Variants in ABCA13 observed in about 807,000 individuals in gnomAD.
ABCA13 encodes the protein ATP-binding cassette sub-family A member 13.
Under a neutral mutation model 478.7 loss-of-function variants are expected in ABCA13, and 476 were observed. The ratio of observed to expected loss-of-function variants is 0.99; its 90% CI spans 0.92 to 1.07. ABCA13 has a LOEUF of 1.07. ABCA13 is among the 50% of genes least tolerant of loss of function. ABCA13 has a pLI of 0.00. For synonymous variants in ABCA13, 2,252 were observed against 2,158.9 expected (o/e 1.04, Z -1.20); for missense variants, 6,060 against 5,910.6 (o/e 1.03, Z -0.83).
Position 48,279,109 on chromosome 7 carries a change from G to T in ABCA13, c.7915G>T (p.Ala2639Ser). 2 of 1,611,114 alleles carry T rather than the reference G, an allele frequency of 1.2e-6. No homozygotes were observed. Among genetic ancestry groups the T allele is most frequent in the Non-Finnish European group, 1.7e-6 (2 of 1,179,092 alleles). Reference sequence around the variant, plus strand: ...CTTTTCTGATATTTTGGAAGAAATTGCTGAATTTTTAACATCTGTGAAAAT... The same window carrying T: ...CTTTTCTGATATTTTGGAAGAAATTTCTGAATTTTTAACATCTGTGAAAAT... ...KDFSDILEEI[A>S]EFLTSVKMNL... is the part of the protein sequence containing the mutation. Residue 2639 changes from alanine (A) to serine (S), a missense_variant, in exon 18 of 62, where the codon GCT becomes TCT. Ala to Ser is a moderately conservative substitution (Grantham distance 99). Transcript: ENST00000435803.
Position 48,455,163 on chromosome 7 carries a change from T to G in ABCA13, c.12692T>G (p.Leu4231Arg). The G allele has an allele frequency of 6.3e-7, 1 of 1,584,924 alleles. No homozygotes were observed. Among genetic ancestry groups the G allele is most frequent in the Non-Finnish European group, 8.6e-7 (1 of 1,166,004 alleles). ...RAGKSTLADLLLPVLFVALAM... is the reference protein window; with the variant it reads ...RAGKSTLADLRLPVLFVALAM... ...GGGAAGAGCACCCTCGCCGACCTGC[T>G]GCTGCCAGTCCTCTTCGTGGCCTTG... The change falls in exon 43 of 62, where the codon CTG becomes CGG. Residue 4231 changes from leucine (L) to arginine (R), a missense_variant. Physicochemically the swap from Leu to Arg is moderately radical, Grantham distance 102 (BLOSUM62 -2). Coordinates refer to ENST00000435803, the MANE Select transcript of ABCA13 (RefSeq NM_152701.5).
chr7:48,415,908 A>G (rs932547838), intron 41 of ABCA13, among the ~76,000 whole-genome samples: 1 of 152,162 alleles, frequency 6.6e-6, no homozygotes. Context: ...ATACTTCAGT[A>G]TTCTTTTTAG....
chr7:48,556,103 C>G (rs1010213738), intron 55 of ABCA13, among the ~76,000 whole-genome samples: 18 of 151,836 alleles, frequency 1.2e-4, no homozygotes, highest in Non-Finnish European at 1.9e-4. Flanking sequence ...CCATGTGTCT[C>G]TGTAATTTCC....
chr7:48,440,559 G>T (rs1823444782), intron 42 of ABCA13, among the ~76,000 whole-genome samples: 1 of 151,934 alleles, frequency 6.6e-6, no homozygotes, highest in Admixed American at 6.6e-5. Flanking sequence ...TTGCCTAAAG[G>T]TTTAATTTCT....
At chr7:48,579,145 T>C (rs1788465032) in intron 55 of ABCA13, among the ~76,000 whole-genome samples, 1 of 152,242 alleles carries the variant, frequency 6.6e-6, no homozygotes. Context: ...TTTGACTTCA[T>C]TAAAGTACAT....
chr7:48,458,550 T>G (rs1219137909), intron 43 of ABCA13, among the ~76,000 whole-genome samples: 1 of 152,226 alleles, frequency 6.6e-6, no homozygotes, highest in Non-Finnish European at 1.5e-5. Context: ...CTTATTAGTG[T>G]TCTGACAATT....
In ABCA13 at chr7:48,520,221, C is replaced by T. The variant is rs2130973327; in HGVS notation, c.13978C>T (p.Gln4660Ter). 1 of 1,613,618 alleles carries T rather than the reference C, an allele frequency of 6.2e-7. No homozygotes were observed. The highest frequency in any genetic ancestry group is 8.5e-7 in the Non-Finnish European group (1 of 1,179,738). ...GAACTTTCTGGGCTGGATCTTCGTG[C>T]AACTGGCCTCGCAGGGCACAGTACT... is the stretch of plus-strand genomic sequence containing the variant. The part of the protein sequence containing the change: ...EMNFLGWIFV[Q>*]LASQGTVLLL... The change falls in exon 53 of 62, where the codon CAA becomes TAA. Residue 4660 changes from glutamine to a stop codon, truncating the protein, a stop_gained. Coordinates refer to ENST00000435803, the MANE Select transcript of ABCA13 (RefSeq NM_152701.5). LOFTEE classifies it high-confidence loss of function.
chr7:48,436,350 C>T (rs62447286), intron 42 of ABCA13, among the ~76,000 whole-genome samples: 5,004 of 151,402 alleles, frequency 0.033, 133 homozygotes, highest in South Asian at 0.13. Context: ...TTTTTGTTTC[C>T]GTAAAATTGG....
chr7:48,384,603 G>A (rs954181336), intron 35 of ABCA13, among the ~76,000 whole-genome samples: 3 of 152,222 alleles, frequency 2.0e-5, no homozygotes, highest in Non-Finnish European at 4.4e-5. Flanking sequence ...AATGCTGGCT[G>A]TGATATGACC....
chr7:48,401,744 A>AACACCCACACAC (rs146576513), intron 38 of ABCA13, among the ~76,000 whole-genome samples: 2 of 143,894 alleles, frequency 1.4e-5, no homozygotes, highest in Admixed American at 1.4e-4. Flanking sequence ...AGAATTTTAA[A>AACACCCACACAC]ACACACACAC....
chr7:48,586,792 T>C (rs571588254), intron 56 of ABCA13, among the ~76,000 whole-genome samples: 1 of 152,330 alleles, frequency 6.6e-6, no homozygotes, highest in East Asian at 1.9e-4. Context: ...GCTATTAGTT[T>C]CATTCCCATT....
At chr7:48,325,684 A>C (rs1261449949) in intron 27 of ABCA13, among the ~76,000 whole-genome samples, 1 of 152,204 alleles carries the variant, frequency 6.6e-6, no homozygotes, top group African/African-American at 2.4e-5. Context: ...AATAATTATT[A>C]CTATAAAAAG....
chr7:48,226,229 G>C (rs1788188759), intron 5 of ABCA13, among the ~76,000 whole-genome samples: 2 of 152,186 alleles, frequency 1.3e-5, no homozygotes, highest in Admixed American at 6.5e-5. Context: ...TAAAGTAACA[G>C]AGGGGATTTG....
At chr7:48,404,004 T>C (rs1313114499) in intron 39 of ABCA13, 125 bp downstream of exon 39, 1 of 1,191,036 alleles carries the variant, frequency 8.4e-7, no homozygotes, top group South Asian at 1.3e-5. Flanking sequence ...CAGAAAAATA[T>C]AAATTTTTAA....
Position 48,609,244 on chromosome 7 carries a change from A to G in ABCA13, c.14745-6041A>G, listed in dbSNP as rs1391427554. On this transcript the variant is annotated intron_variant, in intron 58 of 61. Transcript: ENST00000435803. ...CTCATATAATTATTAGATTGTTCTC[A>G]GAAAGACTGCATATCATTGCAATTT... Among the ~76,000 whole-genome samples, 8 of 152,170 alleles carry G rather than the reference A, an allele frequency of 5.3e-5. No homozygotes were observed. In the East Asian group the frequency reaches 7.7e-4, roughly 15 times the overall value.
rs6955212 is a variant in ABCA13 at position 48,274,682 on chromosome 7, G to A, written c.5016G>A (p.Lys1672=). 238,045 of 1,613,770 alleles carry A rather than the reference G, an allele frequency of 0.15. 18,593 individuals carry two copies. Among genetic ancestry groups the A allele is most frequent in the Admixed American group, 0.25 (14,975 of 59,992 alleles). ...CTTCTGTCATGCGTACCCTTAAGAA[G>A]GCAGACATAGACCTTTTAGTGGATC... The part of the protein sequence containing the change: ...KVTSVMRTLK[K]ADIDLLVDQL... Residue 1672 remains lysine (K), a synonymous_variant, in exon 17 of 62, where the codon AAG becomes AAA. Coordinates refer to ENST00000435803, the MANE Select transcript of ABCA13 (RefSeq NM_152701.5).
At chr7:48,625,897 C>T (rs1347857103) in intron 59 of ABCA13, among the ~76,000 whole-genome samples, 1 of 152,200 alleles carries the variant, frequency 6.6e-6, no homozygotes, top group Non-Finnish European at 1.5e-5. Flanking sequence ...AGACTCACAT[C>T]ATGAGTCCTG....
chr7:48,286,509 TTCCTTCC>T (rs942701052), intron 19 of ABCA13, among the ~76,000 whole-genome samples: 36 of 152,128 alleles, frequency 2.4e-4, no homozygotes, highest in African/African-American at 7.7e-4. Context: ...CCTTCCTTCC[TTCCTTCC>T]TTTTTTCAGA....
intron 3 of ABCA13, among the ~76,000 whole-genome samples, chr7:48,213,156 G>A (rs2128948234): frequency 6.6e-6 from 1 of 152,118 alleles, no homozygotes; most frequent in Non-Finnish European, 1.5e-5. Context: ...AATTCTAGTA[G>A]CATTTGTTGA....
Sources: gnomAD v4.1 joint callset for allele counts (sites outside exome capture counted in the v4.1 genomes callset) on GRCh38, gnomAD v4.1.1 for gene constraint, MANE v1.5 for transcripts, NCBI Gene and HGNC (gene_info 2026-07-23, HGNC 2026-07-21) for gene names.